Variants in C4orf50 observed in about 807,000 individuals in gnomAD.
The protein encoded by C4orf50 is chromosome 4 open reading frame 50.
C4orf50 carries 80 observed loss-of-function variants against 77.2 expected under a neutral mutation model. The ratio of observed to expected loss-of-function variants is 1.04; its 90% confidence interval spans 0.87 to 1.25. C4orf50 has a LOEUF of 1.25. Ranked by LOEUF, C4orf50 falls within the 50% of genes most tolerant of loss-of-function variation. The pLI, the probability that C4orf50 is intolerant of heterozygous loss-of-function variation, is 0.00. For missense variants in C4orf50, 1,257 were observed against 1,152.9 expected, an observed-to-expected ratio of 1.09 and a Z score of -1.31; for synonymous variants, 532 against 465.3, an observed-to-expected ratio of 1.14 and a Z score of -1.84.
At chr4:5,947,917 G>A (rs191514524) in intron 7 of C4orf50, among the ~76,000 whole-genome samples, 9 of 152,334 alleles carry the variant, frequency 5.9e-5, no homozygotes, top group Admixed American at 5.9e-4. Flanking sequence ...GCCTCTGCAC[G>A]AGATCAGACG....
chr4:5,946,580 G>A (rs1364780337), intron 7 of C4orf50, among the ~76,000 whole-genome samples: 1 of 152,160 alleles, frequency 6.6e-6, no homozygotes, highest in East Asian at 1.9e-4. Context: ...TGCAGCCTAT[G>A]CCCCTCCCTT....
At chr4:5,979,102 G>A (rs750421244) in intron 29 of C4orf50, among the ~76,000 whole-genome samples, 31 of 152,162 alleles carry the variant, frequency 2.0e-4, no homozygotes, top group Non-Finnish European at 4.0e-4. Flanking sequence ...TCTTCTTAGT[G>A]GGAGTATAAA....
At chr4:5,952,521 A>G (rs1174685763), downstream of C4orf50, among the ~76,000 whole-genome samples, 1 of 152,138 alleles carries the variant, frequency 6.6e-6, no homozygotes, top group African/African-American at 2.4e-5. The surrounding 1 kb of genome is among the most constrained non-coding windows in gnomAD (Gnocchi z 4.4). Context: ...CGGCACAGTC[A>G]AGGGACCACC....
intron 7 of C4orf50, among the ~76,000 whole-genome samples, chr4:5,948,141 C>T (rs1718560360): frequency 6.6e-6 from 1 of 152,184 alleles, no homozygotes; most frequent in South Asian, 2.1e-4. Flanking sequence ...ACAGAGCAGG[C>T]AGTTAGTAAA....
At chr4:5,985,867 G>A (rs1010341025) in intron 28 of C4orf50, among the ~76,000 whole-genome samples, 8 of 152,170 alleles carry the variant, frequency 5.3e-5, no homozygotes, top group Admixed American at 3.9e-4. Flanking sequence ...TACTTGGGAG[G>A]TTGAGGCAGG....
At chr4:6,003,360 G>A (rs1721922788) in intron 25 of C4orf50, among the ~76,000 whole-genome samples, 1 of 152,234 alleles carries the variant, frequency 6.6e-6, no homozygotes. Flanking sequence ...TGTAGGTAGT[G>A]AGGGTGATTT....
chr4:5,973,546 C>T (rs1042094830), intron 31 of C4orf50, 113 bp downstream of exon 9: 37 of 900,930 alleles, frequency 4.1e-5, no homozygotes, highest in Non-Finnish European at 5.6e-5. Flanking sequence ...GGGTAGTGTC[C>T]GCGGTGGGAG....
intron 33 of C4orf50, among the ~76,000 whole-genome samples, chr4:5,963,471 T>A (rs576550479): frequency 1.3e-5 from 2 of 152,362 alleles, no homozygotes; most frequent in South Asian, 4.1e-4. Flanking sequence ...ATCTTTTTTT[T>A]AATACCTCCT....
chr4:5,904,240 C>T (rs1716452893), intron 7 of C4orf50: 1 of 152,284 alleles, frequency 6.6e-6, no homozygotes, highest in Admixed American at 6.5e-5. Flanking sequence ...AAGCGGGCCT[C>T]ACAGCCCTGC....
At chr4:5,987,769 G>T (rs1299237906) in intron 28 of C4orf50, among the ~76,000 whole-genome samples, 1 of 152,100 alleles carries the variant, frequency 6.6e-6, no homozygotes, top group Non-Finnish European at 1.5e-5. Flanking sequence ...CATGGTGAAG[G>T]CCACCGTAGG....
At chr4:5,999,345 C>A (rs1252164794) in intron 25 of C4orf50, among the ~76,000 whole-genome samples, 3 of 152,276 alleles carry the variant, frequency 2.0e-5, no homozygotes, top group Non-Finnish European at 2.9e-5. Flanking sequence ...AAATGAGAAT[C>A]CATAACTCTA....
At chr4:5,981,757 A>C (rs776285676) in intron 28 of C4orf50, among the ~76,000 whole-genome samples, 1 of 152,100 alleles carries the variant, frequency 6.6e-6, no homozygotes, top group Admixed American at 6.5e-5. Context: ...GCCTTAGAAG[A>C]AACAGCACTG....
At chr4:5,985,873 G>A (rs2108786033) in intron 28 of C4orf50, among the ~76,000 whole-genome samples, 1 of 152,268 alleles carries the variant, frequency 6.6e-6, no homozygotes, top group South Asian at 2.1e-4. Context: ...GGAGGTTGAG[G>A]CAGGAGAATC....
intron 33 of C4orf50, among the ~76,000 whole-genome samples, chr4:5,962,580 C>G (rs1560566889): frequency 6.6e-6 from 1 of 152,332 alleles, no homozygotes; most frequent in South Asian, 2.1e-4. Context: ...CCTCTCAACC[C>G]CGCCCCCATC....
chr4:5,938,245 T>G (rs1026921758), intron 7 of C4orf50, among the ~76,000 whole-genome samples: 6 of 152,312 alleles, frequency 3.9e-5, no homozygotes, highest in African/African-American at 1.4e-4. Flanking sequence ...TACGATGGAA[T>G]TAAAACATAA....
At chr4:5,917,929 A>G (rs1475964046) in intron 7 of C4orf50, among the ~76,000 whole-genome samples, 1 of 152,080 alleles carries the variant, frequency 6.6e-6, no homozygotes, top group African/African-American at 2.4e-5. Flanking sequence ...ATTGGCACAG[A>G]ATGCAATGAG....
intron 31 of C4orf50, among the ~76,000 whole-genome samples, chr4:5,967,779 T>C (rs1289469601): frequency 3.3e-5 from 5 of 152,270 alleles, no homozygotes. Flanking sequence ...AACATTTTAA[T>C]GAGGACATCC....
chr4:6,004,285 G>GA (rs1722099791), intron 25 of C4orf50, among the ~76,000 whole-genome samples: 1 of 77,442 alleles, frequency 1.3e-5, no homozygotes, highest in African/African-American at 4.9e-5. Flanking sequence ...TGATGGTGAT[G>GA]TTGGTGATGA....
At chr4:5,989,125 C>G in exon 28 of C4orf50, 1 of 1,536,042 alleles carries the variant, frequency 6.5e-7, no homozygotes, top group Non-Finnish European at 8.7e-7. Context: ...CCGCTCGAGC[C>G]TGGATATTTT....
Sources: allele counts gnomAD v4.1 joint callset (sites outside exome capture counted in the v4.1 genomes callset), GRCh38; gene constraint gnomAD v4.1.1; non-coding constraint Gnocchi (gnomAD v3.1); transcripts MANE v1.5; gene names NCBI Gene and HGNC (gene_info 2026-07-23, HGNC 2026-07-21).